Variants in NELL1 observed in about 807,000 individuals in gnomAD.
The protein encoded by NELL1 is protein kinase C-binding protein NELL1.
A neutral mutation model predicts 107.4 loss-of-function variants in NELL1; 76 were observed. The ratio of observed to expected loss-of-function variants is 0.71; its 90% CI spans 0.59 to 0.86. The LOEUF (loss-of-function observed/expected upper bound fraction) is 0.86, where lower values mean the gene tolerates loss of function less well. Ranked by LOEUF, NELL1 falls within the 40% of genes least tolerant of loss-of-function variation. The pLI, the probability that NELL1 is intolerant of heterozygous loss-of-function variation, is 0.00. For synonymous variants in NELL1, 353 were observed against 341.2 expected, an observed-to-expected ratio of 1.03 and a Z score of -0.38; for missense variants, 1,024 against 1,005.5, an observed-to-expected ratio of 1.02 and a Z score of -0.25.
At chr11:20,940,059 G>T (rs891245779) in intron 10 of NELL1, among the ~76,000 whole-genome samples, 1 of 152,100 alleles carries the variant, frequency 6.6e-6, no homozygotes, top group Non-Finnish European at 1.5e-5. Flanking sequence ...GCTTGACATG[G>T]CTGGCTATCA....
intron 12 of NELL1, among the ~76,000 whole-genome samples, chr11:20,974,789 G>T (rs1851571194): frequency 6.6e-6 from 1 of 152,066 alleles, no homozygotes; most frequent in Admixed American, 6.6e-5. Flanking sequence ...TTGGTCTGGG[G>T]TATAGACAGT....
chr11:20,677,979 G>A lies in NELL1; in HGVS notation c.103G>A (p.Glu35Lys), dbSNP rs758492521. The change falls in exon 2 of 20, where the codon GAG becomes AAG. Residue 35 changes from glutamate to lysine, a missense_variant. Physicochemically the swap from Glu to Lys is moderately conservative, Grantham distance 56. Coordinates refer to ENST00000357134, the MANE Select transcript of NELL1 (RefSeq NM_006157.5). ...TGACCTTCAGATGGATATCGTCACC[G>A]AGCTTGACCTTGTGAACACCACCCT... ...DPDLQMDIVT[E>K]LDLVNTTLGV... is the part of the protein sequence containing the mutation. 1.2e-6 allele frequency: 2 copies of A among 1,613,960 alleles called. No individual in the cohort carries two copies. Among genetic ancestry groups the A allele is most frequent in the African/African-American group, 1.3e-5 (1 of 74,900 alleles).
chr11:20,888,965 CA>C (rs1258689184), intron 5 of NELL1, among the ~76,000 whole-genome samples: 1 of 152,164 alleles, frequency 6.6e-6, no homozygotes, highest in African/African-American at 2.4e-5. Flanking sequence ...CTAATATTTT[CA>C]AGGCTTTGTT....
chr11:21,148,440 T>C (rs535582180), intron 13 of NELL1, among the ~76,000 whole-genome samples: 1 of 152,296 alleles, frequency 6.6e-6, no homozygotes, highest in Admixed American at 6.5e-5. Context: ...AAAGCATGTG[T>C]TCCTTCAGGT....
rs188699942 is a variant in NELL1 at position 20,924,543 on chromosome 11, C to A, written c.760-2765C>A. On this transcript the variant is annotated intron_variant, in intron 7 of 19. Transcript: ENST00000357134. Reference sequence around the variant, plus strand: ...CTTTGTGGGACAGTGCTAGAAATTGCCACTATTTCCCTTAGGCAAGCTCCT... The same window carrying A: ...CTTTGTGGGACAGTGCTAGAAATTGACACTATTTCCCTTAGGCAAGCTCCT... Among the ~76,000 whole-genome samples the A allele has an allele frequency of 2.8e-3, 419 of 152,262 alleles. 4 individuals carry two copies. The highest frequency in any genetic ancestry group is 6.8e-3 in the Middle Eastern group (2 of 294).
chr11:21,383,690 T>C (rs1408415965), intron 15 of NELL1: 2 of 148,846 alleles, frequency 1.3e-5, no homozygotes, highest in Admixed American at 6.8e-5. Context: ...TAAATATATC[T>C]GTATATATAT....
chr11:21,183,434 C>T (rs572918180), intron 13 of NELL1, among the ~76,000 whole-genome samples: 3 of 152,034 alleles, frequency 2.0e-5, no homozygotes, highest in East Asian at 3.9e-4. Flanking sequence ...ATAAAGCTTG[C>T]GAATGAGAAT....
intron 2 of NELL1, among the ~76,000 whole-genome samples, chr11:20,705,599 G>T (rs1423580121): frequency 7.0e-6 from 1 of 142,134 alleles, no homozygotes; most frequent in East Asian, 1.9e-4. Context: ...CAGGACATAG[G>T]CGTGGGCAAG....
intron 11 of NELL1, among the ~76,000 whole-genome samples, chr11:20,958,284 C>T (rs200881345): frequency 2.0e-5 from 3 of 151,786 alleles, no homozygotes; most frequent in Admixed American, 6.6e-5. Flanking sequence ...CCTGGTGGCA[C>T]GCACCTCTAG....
intron 12 of NELL1, among the ~76,000 whole-genome samples, 155 bp downstream of exon 12, chr11:20,960,715 G>C (rs1851273119): frequency 6.6e-6 from 1 of 152,110 alleles, no homozygotes; most frequent in Non-Finnish European, 1.5e-5. Flanking sequence ...CTGTTCTCCT[G>C]GTTTATCCAT....
At chr11:20,778,757 T>C (rs1856798981) in intron 2 of NELL1, among the ~76,000 whole-genome samples, 1 of 152,096 alleles carries the variant, frequency 6.6e-6, no homozygotes, top group African/African-American at 2.4e-5. Flanking sequence ...AATGGTAGCC[T>C]CCAAGTACAC....
At chr11:21,303,531 G>GA (rs1352041307) in intron 14 of NELL1, among the ~76,000 whole-genome samples, 1 of 152,042 alleles carries the variant, frequency 6.6e-6, no homozygotes, top group Non-Finnish European at 1.5e-5. Context: ...AGGATGTGGA[G>GA]AAAATATAAC....
At chr11:20,942,351 C>T (rs559333042) in intron 10 of NELL1, among the ~76,000 whole-genome samples, 1 of 152,152 alleles carries the variant, frequency 6.6e-6, no homozygotes, top group Non-Finnish European at 1.5e-5. Context: ...GTGTGGTGGT[C>T]TCTCTGCATC....
At chr11:20,737,912 T>C (rs1855798938) in intron 2 of NELL1, among the ~76,000 whole-genome samples, 1 of 150,854 alleles carries the variant, frequency 6.6e-6, no homozygotes, top group Non-Finnish European at 1.5e-5. Flanking sequence ...AATTATAGTT[T>C]ATGTTTATAC....
chr11:21,567,872 G>T (rs754006082), intron 17 of NELL1, among the ~76,000 whole-genome samples: 1 of 151,876 alleles, frequency 6.6e-6, no homozygotes, highest in Non-Finnish European at 1.5e-5. Context: ...AAATGCAACA[G>T]AGATAAACAT....
chr11:21,370,730 G>A (rs1851338862), intron 14 of NELL1, 123 bp from the exon 15 acceptor site: 2 of 663,128 alleles, frequency 3.0e-6, no homozygotes, highest in African/African-American at 1.9e-5. Flanking sequence ...ATTTTTAAAT[G>A]TATCAATACA....
chr11:20,888,792 A>G (rs1046623266), intron 5 of NELL1, among the ~76,000 whole-genome samples: 7 of 152,296 alleles, frequency 4.6e-5, no homozygotes, highest in South Asian at 4.1e-4. Context: ...AGCAGGTGGC[A>G]GGATGATCTG....
intron 14 of NELL1, among the ~76,000 whole-genome samples, chr11:21,347,525 C>CT (rs1394979750): frequency 2.0e-5 from 3 of 152,092 alleles, no homozygotes; most frequent in African/African-American, 7.2e-5. Flanking sequence ...TCGCTTGAAC[C>CT]TGGGAGGCAG....
chr11:21,153,975 A>G (rs1286693953), intron 13 of NELL1, among the ~76,000 whole-genome samples: 1 of 152,190 alleles, frequency 6.6e-6, no homozygotes, highest in African/African-American at 2.4e-5. Flanking sequence ...ATTAAGAACC[A>G]TACACTGGGC....
Sources: gnomAD v4.1 joint callset for allele counts (sites outside exome capture counted in the v4.1 genomes callset) on GRCh38, gnomAD v4.1.1 for gene constraint, MANE v1.5 for transcripts, NCBI Gene and HGNC (gene_info 2026-07-23, HGNC 2026-07-21) for gene names.